SMCHD1: variants seen among roughly 807,000 people sequenced by gnomAD.
SMCHD1 encodes structural maintenance of chromosomes flexible hinge domain-containing protein 1.
In SMCHD1, 78 loss-of-function variants were observed where a neutral mutation model predicts 254.7. That is an observed-to-expected ratio of 0.31 (90% CI 0.26 to 0.37). SMCHD1 has a LOEUF of 0.37. Among genes scored for constraint, SMCHD1 ranks in the 10% least tolerant of loss-of-function variants. The pLI, the probability that SMCHD1 is intolerant of heterozygous loss-of-function variation, is 1.00. For missense variants in SMCHD1, 1,840 were observed against 2,408.1 expected (o/e 0.76, Z 4.94); for synonymous variants, 766 against 794.9 (o/e 0.96, Z 0.61).
intron 5 of SMCHD1, among the ~76,000 whole-genome samples, chr18:2,687,108 A>G (rs962634952): frequency 3.9e-5 from 6 of 152,088 alleles, no homozygotes; most frequent in Admixed American, 1.3e-4. Context: ...AGCTTTGGTC[A>G]CTCCCTTCCT....
rs1453830480 is a variant in SMCHD1, at chr18:2,760,733, T to C, written c.4428T>C (p.Ser1476=). The C allele has an allele frequency of 1.3e-6, 2 of 1,595,164 alleles. No individual in the cohort carries two copies. The highest frequency in any genetic ancestry group is 1.3e-5 in the African/African-American group (1 of 74,470). Residue 1476 remains serine, a synonymous_variant, in exon 35 of 48, where the codon AGT becomes AGC. Transcript: ENST00000320876. ...FMMDKTNILN[S]EQVIVEVLPN... Reference sequence around the variant, plus strand: ...TGGATAAAACAAATATTCTCAACAGTGAACAGGTTTGCTTACTTTTTTTAT... The same window carrying C: ...TGGATAAAACAAATATTCTCAACAGCGAACAGGTTTGCTTACTTTTTTTAT...
At chr18:2,761,340 A>G (rs8094658) in intron 35 of SMCHD1, among the ~76,000 whole-genome samples, 36,902 of 152,180 alleles carry the variant, frequency 0.24, 5,806 homozygotes, top group Non-Finnish European at 0.35. Flanking sequence ...TGACGGGATC[A>G]TTAGAAGCCC....
chr18:2,781,434 C>A (rs552269188), intron 44 of SMCHD1, among the ~76,000 whole-genome samples: 2 of 152,046 alleles, frequency 1.3e-5, no homozygotes, highest in Non-Finnish European at 2.9e-5. Flanking sequence ...TCCTTAGATA[C>A]CTGATTGAAG....
At chr18:2,736,461 A>G (rs1454473192) in intron 25 of SMCHD1, among the ~76,000 whole-genome samples, 3 of 152,234 alleles carry the variant, frequency 2.0e-5, no homozygotes, top group Non-Finnish European at 2.9e-5. Flanking sequence ...CCAACAGTGT[A>G]AACAGACAGC....
chr18:2,724,786 A>G, intron 20 of SMCHD1, 113 bp from the exon 21 acceptor site: 1 of 454,852 alleles, frequency 2.2e-6, no homozygotes, highest in East Asian at 3.2e-5. Context: ...TATATTTAAA[A>G]AATATTTTAT....
intron 24 of SMCHD1, among the ~76,000 whole-genome samples, chr18:2,730,779 T>C (rs1245135409): frequency 2.6e-5 from 4 of 152,242 alleles, no homozygotes; most frequent in Non-Finnish European, 4.4e-5. Context: ...ATACAAGATG[T>C]CTTTTACTTT....
chr18:2,705,853 C>T, intron 14 of SMCHD1, 46 bp downstream of exon 14: 1 of 1,136,384 alleles, frequency 8.8e-7, no homozygotes, highest in Non-Finnish European at 1.3e-6. Context: ...CTTGATAACA[C>T]TTTTGCATAA....
intron 44 of SMCHD1, among the ~76,000 whole-genome samples, chr18:2,781,710 A>G (rs1163093730): frequency 1.3e-5 from 2 of 152,198 alleles, no homozygotes; most frequent in East Asian, 3.8e-4. Flanking sequence ...CTAAAAATCA[A>G]AAGATACAAT....
intron 7 of SMCHD1, 52 bp from the exon 8 acceptor site, chr18:2,694,475 A>G (rs2143117948): frequency 7.4e-7 from 1 of 1,353,284 alleles, no homozygotes; most frequent in South Asian, 1.4e-5. Flanking sequence ...AGCTATTTGT[A>G]TAATTATAAT....
chr18:2,706,012 A>G (rs1308497047), intron 14 of SMCHD1, among the ~76,000 whole-genome samples: 2 of 152,166 alleles, frequency 1.3e-5, no homozygotes, highest in African/African-American at 4.8e-5. Context: ...GTAAACATAT[A>G]TACATTATAA....
chr18:2,732,410 T>C lies in SMCHD1; in HGVS notation c.3194T>C (p.Ile1065Thr), dbSNP rs764076509. 2.5e-6 allele frequency: 4 copies of C among 1,613,278 alleles called. No individual in the cohort carries two copies. Among genetic ancestry groups the C allele is most frequent in the Admixed American group, 1.7e-5 (1 of 60,032 alleles). ...QDEVNWIAGDIMHNLIFQMYD... is the reference protein window; with the variant it reads ...QDEVNWIAGDTMHNLIFQMYD... ...GAGGTTAATTGGATAGCGGGTGATA[T>C]TATGCATAATCTTATTTTTCAAATG... is the stretch of plus-strand genomic sequence containing the variant. The change falls in exon 25 of 48, where the codon ATT (isoleucine) becomes ACT (threonine). Residue 1065 changes from isoleucine to threonine, a missense_variant. Transcript: ENST00000320876.
rs2074385164 is a variant in SMCHD1, at chr18:2,700,913, G to A, written c.1642G>A (p.Gly548Arg). ...CACCCTTTTTACAAGGATTTTAAAT[G>A]GACAGGTATGATTTTTAAATATAAA... ...KNTLFTRILN[G>R]QEQRMKIDRE... Residue 548 changes from glycine (G) to arginine (R), a missense_variant, in exon 12 of 48, where the codon GGA (glycine) becomes AGA (arginine). Transcript: ENST00000320876. 1.9e-6 allele frequency: 3 copies of A among 1,573,232 alleles called. No homozygotes were observed. Among genetic ancestry groups the A allele is most frequent in the Non-Finnish European group, 2.6e-6 (3 of 1,159,260 alleles).
In SMCHD1 at chr18:2,656,159, G is replaced by A. The variant is rs1466581016; in HGVS notation, c.84G>A (p.Val28=). The A allele has an allele frequency of 2.0e-6, 3 of 1,516,926 alleles. No homozygotes were observed. In the East Asian group the frequency reaches 8.1e-5, roughly 41 times the overall value. The allele number at this position is 1,516,926 out of a possible 1,614,324, so 94.0% of individuals were successfully genotyped here. The change falls in exon 1 of 48, where the codon GTG becomes GTA. Residue 28 remains valine, a synonymous_variant. Transcript: ENST00000320876. ...GCGGAGGCGTCGGCCACAGGACGGTGTACTTGTTTGATCGGCGCGAAAAGG... is the reference window on the plus strand; with the variant it reads ...GCGGAGGCGTCGGCCACAGGACGGTATACTTGTTTGATCGGCGCGAAAAGG... The part of the protein sequence containing the change: ...EDGGGVGHRT[V]YLFDRREKES...
intron 5 of SMCHD1, among the ~76,000 whole-genome samples, chr18:2,679,256 G>C (rs1184367084): frequency 7.9e-6 from 1 of 126,580 alleles, no homozygotes; most frequent in African/African-American, 2.9e-5. Context: ...GAGGCAGGCA[G>C]ATCACAAGAT....
chr18:2,750,524 C>G lies in SMCHD1; in HGVS notation c.4165+17C>G. 2.6e-6 allele frequency: 4 copies of G among 1,561,170 alleles called. No individual in the cohort carries two copies. The highest frequency in any genetic ancestry group is 3.5e-6 in the Non-Finnish European group (4 of 1,149,536). On this transcript the variant is annotated intron_variant, in intron 32 of 47. Coordinates refer to ENST00000320876, the MANE Select transcript of SMCHD1 (RefSeq NM_015295.3). ...TTTTCACTGGTGAGTATTTCACATACATAAATAAATCTATAATGATAATTT... is the reference window on the plus strand; with the variant it reads ...TTTTCACTGGTGAGTATTTCACATAGATAAATAAATCTATAATGATAATTT...
chr18:2,786,815 G>A (rs796407749), intron 45 of SMCHD1, among the ~76,000 whole-genome samples: 39 of 152,272 alleles, frequency 2.6e-4, no homozygotes, highest in African/African-American at 8.7e-4. Context: ...GATTAATTTT[G>A]CCCATTTTAG....
chr18:2,793,714 G>A (rs1436090176), intron 45 of SMCHD1, among the ~76,000 whole-genome samples: 2 of 146,694 alleles, frequency 1.4e-5, no homozygotes, highest in Non-Finnish European at 3.0e-5. Context: ...AATCAGACCA[G>A]AATAAAGTTC....
At position 2,656,189 on chromosome 18, in the gene SMCHD1, C is replaced by G. The variant is rs191609659; in HGVS notation, c.114C>G (p.Ser38=). Reference sequence around the variant, plus strand: ...TGTTTGATCGGCGCGAAAAGGAGTCCGAGCTCGGGGACCGGCCTCTGCAGG... The same window carrying G: ...TGTTTGATCGGCGCGAAAAGGAGTCGGAGCTCGGGGACCGGCCTCTGCAGG... The part of the protein sequence containing the change: ...VYLFDRREKE[S]ELGDRPLQVG... Residue 38 remains serine, a synonymous_variant, in exon 1 of 48, where the codon TCC becomes TCG. Coordinates refer to ENST00000320876, the MANE Select transcript of SMCHD1 (RefSeq NM_015295.3). 18 of 1,505,990 alleles carry G rather than the reference C, an allele frequency of 1.2e-5. No homozygotes were observed. The Admixed American group carries it at 2.5e-4, about 21-fold the overall frequency. 93.3% of individuals were successfully genotyped at this position (1,505,990 alleles called of 1,614,324 possible).
intron 45 of SMCHD1, among the ~76,000 whole-genome samples, chr18:2,792,953 C>T (rs1019670403): frequency 1.6e-4 from 24 of 152,326 alleles, no homozygotes; most frequent in African/African-American, 5.5e-4. Flanking sequence ...CAGCTTGCCT[C>T]TATCCTCCTC....
Sources: allele counts gnomAD v4.1 joint callset (sites outside exome capture counted in the v4.1 genomes callset), GRCh38; gene constraint gnomAD v4.1.1; transcripts MANE v1.5; gene names NCBI Gene and HGNC (gene_info 2026-07-23, HGNC 2026-07-21).